The following CALN1 variants were observed in gnomAD, a reference collection of about 807,000 sequenced individuals.
CALN1 encodes calneuron 1.
A neutral mutation model predicts 30.6 loss-of-function variants in CALN1; 17 were observed. The ratio of observed to expected loss-of-function variants is 0.56; its 90% confidence interval spans 0.38 to 0.83. CALN1 has a LOEUF of 0.83. Ranked by LOEUF, CALN1 falls within the 40% of genes least tolerant of loss-of-function variation. CALN1 has a pLI of 0.00. For missense variants in CALN1, 291 were observed against 354.9 expected (o/e 0.82, Z 1.45); for synonymous variants, 156 against 131.4 (o/e 1.19, Z -1.28).
intron 4 of CALN1, among the ~76,000 whole-genome samples, chr7:72,050,162 G>A (rs1563011105): frequency 6.6e-6 from 1 of 152,060 alleles, no homozygotes; most frequent in South Asian, 2.1e-4. Flanking sequence ...TAAGGCATAA[G>A]GGAGGTTCAG....
intron 4 of CALN1, among the ~76,000 whole-genome samples, chr7:72,059,716 A>G (rs986377989): frequency 2.6e-5 from 4 of 152,166 alleles, no homozygotes; most frequent in African/African-American, 9.7e-5. Context: ...AGTATTTTAT[A>G]ATCCCAGTCC....
At chr7:72,185,152 G>A (rs1199603877) in intron 3 of CALN1, among the ~76,000 whole-genome samples, 1 of 151,994 alleles carries the variant, frequency 6.6e-6, no homozygotes, top group African/African-American at 2.4e-5. Context: ...TTTGTGTGCA[G>A]TTGACTTGAA....
chr7:72,309,040 C>T (rs536505814), intron 2 of CALN1, among the ~76,000 whole-genome samples: 1 of 152,270 alleles, frequency 6.6e-6, no homozygotes, highest in Non-Finnish European at 1.5e-5. Context: ...AAATGGAGCA[C>T]AGGCCAATTA....
Position 72,230,468 on chromosome 7 carries a change from G to A in CALN1, c.244+48218C>T, listed in dbSNP as rs190046655. On this transcript the variant is annotated intron_variant, in intron 3 of 6. Transcript: ENST00000395275. Reference sequence around the variant, plus strand: ...GGCTGCAGTGAGTCATGATCACGCCGCTGCACCCCAGCCTGGGCAAAAGAG... The same window carrying A: ...GGCTGCAGTGAGTCATGATCACGCCACTGCACCCCAGCCTGGGCAAAAGAG... Among the ~76,000 whole-genome samples the A allele has an allele frequency of 2.4e-3, 360 of 149,338 alleles. 3 individuals carry two copies. The highest frequency in any genetic ancestry group is 0.017 in the Middle Eastern group (5 of 286).
intron 3 of CALN1, among the ~76,000 whole-genome samples, chr7:72,153,681 TA>T (rs1396306864): frequency 6.6e-6 from 1 of 151,766 alleles, no homozygotes; most frequent in Non-Finnish European, 1.5e-5. Context: ...AACCTGTCTC[TA>T]AAAAAATAAA....
At chr7:72,193,226 G>A (rs1262603949) in intron 3 of CALN1, among the ~76,000 whole-genome samples, 1 of 151,940 alleles carries the variant, frequency 6.6e-6, no homozygotes, top group African/African-American at 2.4e-5. Flanking sequence ...TTAGCCATGT[G>A]TGGTGGTGCA....
intron 1 of CALN1, among the ~76,000 whole-genome samples, chr7:72,410,940 G>A (rs982719917): frequency 6.6e-6 from 1 of 151,364 alleles, no homozygotes; most frequent in Non-Finnish European, 1.5e-5. Context: ...AGAGGCATAA[G>A]ATGGGAAAAG....
intron 3 of CALN1, among the ~76,000 whole-genome samples, chr7:72,194,697 T>A (rs1344421745): frequency 1.3e-5 from 2 of 150,250 alleles, no homozygotes; most frequent in Non-Finnish European, 3.0e-5. Context: ...GTTCAAGCGA[T>A]TCTCCTGCCT....
chr7:72,256,948 G>C (rs909738279), intron 3 of CALN1, among the ~76,000 whole-genome samples: 1 of 152,166 alleles, frequency 6.6e-6, no homozygotes, highest in African/African-American at 2.4e-5. Context: ...GGAGGTGGGT[G>C]ATTATATTCC....
intron 2 of CALN1, among the ~76,000 whole-genome samples, chr7:72,391,084 CTG>C (rs1562941678): frequency 6.6e-6 from 1 of 152,148 alleles, no homozygotes; most frequent in African/African-American, 2.4e-5. Context: ...TATACATATG[CTG>C]TGTGTTAATC....
At chr7:72,217,971 T>G (rs1792965276) in intron 3 of CALN1, among the ~76,000 whole-genome samples, 1 of 148,620 alleles carries the variant, frequency 6.7e-6, no homozygotes, top group African/African-American at 2.5e-5. Context: ...GCCTCCCGAG[T>G]AGCTGGGACT....
chr7:71,929,457 G>A (rs1795437547), intron 5 of CALN1, among the ~76,000 whole-genome samples: 1 of 152,198 alleles, frequency 6.6e-6, no homozygotes, highest in South Asian at 2.1e-4. Flanking sequence ...CCTCTGCAAA[G>A]GACATGATCT....
chr7:72,302,958 A>C (rs1446001362), intron 2 of CALN1, among the ~76,000 whole-genome samples: 2 of 149,166 alleles, frequency 1.3e-5, no homozygotes, highest in African/African-American at 2.5e-5. Flanking sequence ...CTGTAGTCCC[A>C]GTTACCACAG....
chr7:72,056,498 G>T (rs1232814507), intron 4 of CALN1, among the ~76,000 whole-genome samples: 1 of 152,056 alleles, frequency 6.6e-6, no homozygotes, highest in Non-Finnish European at 1.5e-5. Flanking sequence ...AGGAAAAATC[G>T]ATTTTATTCC....
intron 2 of CALN1, among the ~76,000 whole-genome samples, chr7:72,292,792 G>C (rs1379448976): frequency 8.3e-6 from 1 of 120,628 alleles, no homozygotes; most frequent in African/African-American, 3.3e-5. Flanking sequence ...CTGCACTCCA[G>C]CTTGGGCAAC....
chr7:71,999,167 G>C (rs1799403277), intron 5 of CALN1, among the ~76,000 whole-genome samples: 1 of 152,162 alleles, frequency 6.6e-6, no homozygotes, highest in East Asian at 1.9e-4. Flanking sequence ...TTAAGAAGCA[G>C]CAGTGGCTAC....
intron 5 of CALN1, among the ~76,000 whole-genome samples, chr7:71,928,590 T>C (rs1399498502): frequency 6.6e-6 from 1 of 152,266 alleles, no homozygotes; most frequent in Non-Finnish European, 1.5e-5. Context: ...AAAAATGCAA[T>C]TACTTTTGCA....
chr7:72,388,108 A>T (rs538231643), intron 2 of CALN1, among the ~76,000 whole-genome samples: 34 of 152,200 alleles, frequency 2.2e-4, no homozygotes, highest in Non-Finnish European at 4.4e-4. Flanking sequence ...AGAAGAAAGG[A>T]CTTTTTAAAA....
chr7:72,353,254 G>C (rs1384965138), intron 2 of CALN1, among the ~76,000 whole-genome samples: 1 of 151,908 alleles, frequency 6.6e-6, no homozygotes, highest in Non-Finnish European at 1.5e-5. Context: ...TGAGGCTACT[G>C]TCTCTCTGTT....
Sources: allele counts gnomAD v4.1 joint callset (sites outside exome capture counted in the v4.1 genomes callset), GRCh38; gene constraint gnomAD v4.1.1; transcripts MANE v1.5; gene names NCBI Gene and HGNC (gene_info 2026-07-23, HGNC 2026-07-21).